Variants in TRHDE observed in about 807,000 individuals in gnomAD.
The protein encoded by TRHDE is thyrotropin-releasing hormone-degrading ectoenzyme.
In TRHDE, 72 loss-of-function variants were observed where a neutral mutation model predicts 125.7. The ratio of observed to expected loss-of-function variants is 0.57; its 90% CI spans 0.47 to 0.70. The LOEUF (loss-of-function observed/expected upper bound fraction) is 0.70, where lower values mean the gene tolerates loss of function less well. Among genes scored for constraint, TRHDE ranks in the 30% least tolerant of loss-of-function variants. The pLI, the probability that TRHDE is intolerant of heterozygous loss-of-function variation, is 0.00. For missense variants in TRHDE, 1,110 were observed against 1,327.1 expected (o/e 0.84, Z 2.54); for synonymous variants, 509 against 509.1 (o/e 1.00, Z 0.00).
chr12:72,485,081 C>G (rs1364434175), intron 5 of TRHDE, among the ~76,000 whole-genome samples: 1 of 152,104 alleles, frequency 6.6e-6, no homozygotes, highest in Non-Finnish European at 1.5e-5. Context: ...CAATCACCAC[C>G]ATGGATGCTG....
intron 7 of TRHDE, among the ~76,000 whole-genome samples, chr12:72,558,682 C>T (rs1870033966): frequency 6.6e-6 from 1 of 152,064 alleles, no homozygotes; most frequent in Non-Finnish European, 1.5e-5. Flanking sequence ...AGTAGACAAA[C>T]AGGTAAGGGA....
At chr12:72,185,060 C>G (rs970579118) in intron 2 of TRHDE, among the ~76,000 whole-genome samples, 5 of 152,050 alleles carry the variant, frequency 3.3e-5, no homozygotes, top group Non-Finnish European at 7.4e-5. Context: ...GAGCGGGAAC[C>G]GGGGCTGCCT....
chr12:72,373,071 A>C (rs1871688421), intron 2 of TRHDE, among the ~76,000 whole-genome samples: 1 of 152,124 alleles, frequency 6.6e-6, no homozygotes, highest in African/African-American at 2.4e-5. Flanking sequence ...TTCATTGAGC[A>C]GTGGTTTGTA....
intron 16 of TRHDE, 39 bp from the exon 17 acceptor site, chr12:72,652,977 T>C (rs764552025): frequency 2.6e-6 from 4 of 1,558,188 alleles, no homozygotes; most frequent in Admixed American, 3.8e-5. Flanking sequence ...ATGTTTAAGT[T>C]ATTGGACTAA....
At chr12:72,166,166 G>T (rs1876742428) in intron 2 of TRHDE, among the ~76,000 whole-genome samples, 1 of 152,038 alleles carries the variant, frequency 6.6e-6, no homozygotes, top group Non-Finnish European at 1.5e-5. Flanking sequence ...CAGGGTATTT[G>T]TGTATCTAAA....
At chr12:72,416,147 G>A (rs1416154965) in intron 3 of TRHDE, among the ~76,000 whole-genome samples, 1 of 151,992 alleles carries the variant, frequency 6.6e-6, no homozygotes, top group Non-Finnish European at 1.5e-5. Flanking sequence ...CAGATGATTA[G>A]TGATGTTGTG....
At chr12:72,599,136 A>G (rs1167758444) in intron 12 of TRHDE, among the ~76,000 whole-genome samples, 1 of 152,068 alleles carries the variant, frequency 6.6e-6, no homozygotes, top group Non-Finnish European at 1.5e-5. Flanking sequence ...GCTGATGTGC[A>G]CCTACATTGA....
intron 3 of TRHDE, among the ~76,000 whole-genome samples, chr12:72,382,047 G>T (rs544932499): frequency 6.6e-6 from 1 of 152,292 alleles, no homozygotes; most frequent in South Asian, 2.1e-4. Flanking sequence ...GAGCAAGGGG[G>T]ACTGGTCCCA....
chr12:72,558,860 T>G (rs1228234040), intron 7 of TRHDE, among the ~76,000 whole-genome samples: 3 of 152,150 alleles, frequency 2.0e-5, no homozygotes, highest in African/African-American at 7.2e-5. Flanking sequence ...AGTTCAGTTT[T>G]TAATAGGACT....
rs190442132 is a variant in TRHDE at position 72,528,424 on chromosome 12, G to A, written c.1723-13867G>A. 6.6e-4 allele frequency among the ~76,000 whole-genome samples: 101 copies of A among 152,274 alleles called. 1 individual carries two copies. The highest frequency in any genetic ancestry group is 2.2e-3 in the African/African-American group (93 of 41,566). On this transcript the variant is annotated intron_variant, in intron 6 of 18. Coordinates refer to ENST00000261180, the MANE Select transcript of TRHDE (RefSeq NM_013381.3). The stretch of plus-strand genomic sequence containing the variant: ...TAAAAACACAAATGATGTTGTCTTC[G>A]TGTAGTTATTCTACAGCCTGTTACT...
chr12:72,378,067 TTAATAGA>T lies in TRHDE; in HGVS notation c.1262_1268del (p.Leu421TyrfsTer16), dbSNP rs781704078. The T allele has an allele frequency of 6.2e-7, 1 of 1,606,328 alleles. No individual in the cohort carries two copies. Among genetic ancestry groups the T allele is most frequent in the East Asian group, 2.2e-5 (1 of 44,692 alleles). ...CTATGCTCTCCATATAACAAAGAGA[TTAATAGA>T]ATTTTATGAAGACTACTTTAAAGTG... On this transcript the variant is annotated frameshift_variant, in exon 3 of 19. Transcript: ENST00000261180. LOFTEE classifies it high-confidence loss of function.
chr12:72,394,220 C>T lies in TRHDE; in HGVS notation c.1315+16099C>T, dbSNP rs376126900. Among the ~76,000 whole-genome samples, 14 of 152,116 alleles carry T rather than the reference C, an allele frequency of 9.2e-5. No homozygotes were observed. In the South Asian group the frequency reaches 1.5e-3, roughly 16 times the overall value. ...ACTTTCTGAGCTCTCAAATTCTAAA[C>T]ACAGAGAAATTTGATTAATAGTCCA... is the stretch of plus-strand genomic sequence containing the variant. On this transcript the variant is annotated intron_variant, in intron 3 of 18. Transcript: ENST00000261180.
At chr12:72,520,327 G>T (rs372923725) in intron 6 of TRHDE, among the ~76,000 whole-genome samples, 1 of 152,222 alleles carries the variant, frequency 6.6e-6, no homozygotes, top group Non-Finnish European at 1.5e-5. Flanking sequence ...AGCCAGGTGC[G>T]GGATATAATC....
chr12:72,440,703 A>G (rs1475913010), intron 3 of TRHDE, among the ~76,000 whole-genome samples: 1 of 151,886 alleles, frequency 6.6e-6, no homozygotes, highest in Admixed American at 6.6e-5. Flanking sequence ...TTCAATAGGT[A>G]GCCTGGCTCT....
intron 2 of TRHDE, among the ~76,000 whole-genome samples, chr12:72,221,247 C>G (rs1877993382): frequency 6.6e-6 from 1 of 151,898 alleles, no homozygotes. Flanking sequence ...ATAGCACTTG[C>G]AACAGAAGTA....
chr12:72,232,949 A>T (rs1423070174), intron 2 of TRHDE, among the ~76,000 whole-genome samples: 1 of 152,152 alleles, frequency 6.6e-6, no homozygotes, highest in South Asian at 2.1e-4. Context: ...GTGGACTCCA[A>T]ACTCTATCAA....
At chr12:72,542,968 C>T (rs1020686677) in intron 7 of TRHDE, among the ~76,000 whole-genome samples, 1 of 151,232 alleles carries the variant, frequency 6.6e-6, no homozygotes, top group African/African-American at 2.4e-5. Flanking sequence ...AAAGCAGACA[C>T]AAGTATACTG....
intron 3 of TRHDE, among the ~76,000 whole-genome samples, chr12:72,430,385 A>C (rs1344303297): frequency 7.0e-6 from 1 of 143,164 alleles, no homozygotes; most frequent in Non-Finnish European, 1.5e-5. Context: ...ATATACATGT[A>C]TATATATACA....
chr12:72,456,654 TGA>T (rs1328078516), intron 3 of TRHDE, among the ~76,000 whole-genome samples: 1 of 152,076 alleles, frequency 6.6e-6, no homozygotes, highest in Admixed American at 6.6e-5. Context: ...GTCAATTCCC[TGA>T]GTATTTACAT....
Sources: gnomAD v4.1 joint callset for allele counts (sites outside exome capture counted in the v4.1 genomes callset) on GRCh38, gnomAD v4.1.1 for gene constraint, MANE v1.5 for transcripts, NCBI Gene and HGNC (gene_info 2026-07-23, HGNC 2026-07-21) for gene names.